Variants in RAD54B observed in about 807,000 individuals in gnomAD.
The protein encoded by RAD54B is RAD54 homolog B.
A neutral mutation model predicts 95.8 loss-of-function variants in RAD54B; 78 were observed. That is an observed-to-expected ratio of 0.81 (90% CI 0.68 to 0.98). RAD54B has a LOEUF of 0.98. Ranked by LOEUF, RAD54B falls within the 50% of genes least tolerant of loss-of-function variation. The pLI, the probability that RAD54B is intolerant of heterozygous loss-of-function variation, is 0.00. For missense variants in RAD54B, 957 were observed against 1,056.6 expected (o/e 0.91, Z 1.31); for synonymous variants, 328 against 354.9 (o/e 0.92, Z 0.85).
chr8:94,383,306 C>T (rs938283754), intron 11 of RAD54B, among the ~76,000 whole-genome samples: 1 of 98,660 alleles, frequency 1.0e-5, no homozygotes, highest in African/African-American at 3.1e-5. Flanking sequence ...AAAAAAAAGC[C>T]CCAAGATGAC....
Position 94,467,549 on chromosome 8 carries a change from T to C in RAD54B, c.-10A>G, listed in dbSNP as rs2130200761. On this transcript the variant is annotated 5_prime_UTR_variant, in exon 2 of 15. Coordinates refer to ENST00000336148, the MANE Select transcript of RAD54B (RefSeq NM_012415.3). Reference sequence around the variant, plus strand: ...CTGCAGATCGTCTCATATTCAGCAGTCGTGACCTGAAAAATACCCAAAACA... The same window carrying C: ...CTGCAGATCGTCTCATATTCAGCAGCCGTGACCTGAAAAATACCCAAAACA... 1.2e-6 allele frequency: 2 copies of C among 1,604,898 alleles called. No individual in the cohort carries two copies. The highest frequency in any genetic ancestry group is 2.2e-5 in the South Asian group (2 of 89,736).
At chr8:94,447,401 T>TAAGC (rs1055268093) in intron 3 of RAD54B, among the ~76,000 whole-genome samples, 9 of 152,200 alleles carry the variant, frequency 5.9e-5, no homozygotes, top group African/African-American at 1.9e-4. Flanking sequence ...CAAACATTGC[T>TAAGC]AAGCTACTCT....
At chr8:94,459,986 G>C (rs1473768470) in intron 2 of RAD54B, among the ~76,000 whole-genome samples, 1 of 150,632 alleles carries the variant, frequency 6.6e-6, no homozygotes, top group Non-Finnish European at 1.5e-5. Flanking sequence ...GTGAAACCCG[G>C]TCTCTACTAA....
chr8:94,432,983 C>A (rs1033602841), intron 3 of RAD54B, among the ~76,000 whole-genome samples: 6 of 152,094 alleles, frequency 3.9e-5, no homozygotes. Flanking sequence ...ATCTTTCCCA[C>A]AACCCTAAGG....
At chr8:94,412,088 T>C (rs1411919299) in intron 3 of RAD54B, among the ~76,000 whole-genome samples, 1 of 152,166 alleles carries the variant, frequency 6.6e-6, no homozygotes. Flanking sequence ...AGAGTTTGAC[T>C]TTTTTGAATT....
chr8:94,455,402 C>A (rs1812757083), intron 3 of RAD54B, among the ~76,000 whole-genome samples: 1 of 152,172 alleles, frequency 6.6e-6, no homozygotes, highest in South Asian at 2.1e-4. Flanking sequence ...AAAACCTTAA[C>A]AAGAGAACAT....
rs758113509 is a variant in RAD54B, at chr8:94,393,814, C to T, written c.1447G>A (p.Gly483Ser). ...LIDFVNPGILGSLSSYRKIYE... is the reference protein window; with the variant it reads ...LIDFVNPGILSSLSSYRKIYE... Reference sequence around the variant, plus strand: ...ATTTTCCTATAAGATGACAAAGAGCCTAATATTCCTGGATTTACAAAATCA... The same window carrying T: ...ATTTTCCTATAAGATGACAAAGAGCTTAATATTCCTGGATTTACAAAATCA... The change falls in exon 9 of 15, where the codon GGC becomes AGC. Residue 483 changes from glycine (G) to serine (S), a missense_variant. Physicochemically the swap from Gly to Ser is moderately conservative, Grantham distance 56. Transcript: ENST00000336148. 10 of 1,586,842 alleles carry T rather than the reference C, an allele frequency of 6.3e-6. No individual in the cohort carries two copies. The South Asian group carries it at 8.9e-5, about 14-fold the overall frequency.
chr8:94,427,708 C>T (rs1811977383), intron 3 of RAD54B: 4 of 983,150 alleles, frequency 4.1e-6, no homozygotes, highest in Non-Finnish European at 4.8e-6. Context: ...AAAAAGTACA[C>T]AAATCAGTAC....
intron 8 of RAD54B, among the ~76,000 whole-genome samples, chr8:94,396,919 G>A (rs1474877304): frequency 6.6e-6 from 1 of 152,120 alleles, no homozygotes; most frequent in Non-Finnish European, 1.5e-5. Context: ...GAGTACATGA[G>A]GACATAGGGA....
intron 8 of RAD54B, among the ~76,000 whole-genome samples, chr8:94,397,629 A>C (rs1464433514): frequency 6.6e-6 from 1 of 152,134 alleles, no homozygotes; most frequent in African/African-American, 2.4e-5. Context: ...ATAAAATTAT[A>C]TATTTTTGCT....
intron 3 of RAD54B, among the ~76,000 whole-genome samples, chr8:94,438,962 T>C (rs1395920714): frequency 2.6e-5 from 4 of 152,218 alleles, no homozygotes; most frequent in Non-Finnish European, 2.9e-5. Flanking sequence ...TGTGGTGGCA[T>C]ATGCCTGTAG....
intron 11 of RAD54B, among the ~76,000 whole-genome samples, chr8:94,384,176 T>A (rs1259610219): frequency 1.3e-5 from 2 of 149,344 alleles, no homozygotes; most frequent in African/African-American, 4.9e-5. Context: ...AAAGCAGGGT[T>A]TTGAAAAGTT....
intron 3 of RAD54B, among the ~76,000 whole-genome samples, chr8:94,443,581 TTCCTC>T (rs747720858): frequency 1.2e-4 from 18 of 152,254 alleles, no homozygotes; most frequent in Admixed American, 5.9e-4. Context: ...AACTGACTCT[TTCCTC>T]TACTCCATCT....
At chr8:94,381,021 G>A (rs1298631561) in intron 11 of RAD54B, among the ~76,000 whole-genome samples, 1 of 152,182 alleles carries the variant, frequency 6.6e-6, no homozygotes, top group African/African-American at 2.4e-5. Flanking sequence ...AGCCAATGTA[G>A]TGGCTTATGC....
intron 3 of RAD54B, among the ~76,000 whole-genome samples, chr8:94,415,957 G>A (rs1811652946): frequency 6.6e-6 from 1 of 151,702 alleles, no homozygotes; most frequent in African/African-American, 2.4e-5. Context: ...AGTCAGTGTG[G>A]CGATTCCTCA....
At chr8:94,429,257 T>C in intron 3 of RAD54B, 1 of 507,406 alleles carries the variant, frequency 2.0e-6, no homozygotes. Flanking sequence ...AAAAATATGA[T>C]TGTAGCAGAC....
intron 3 of RAD54B, among the ~76,000 whole-genome samples, chr8:94,445,095 C>T (rs1812489077): frequency 6.6e-6 from 1 of 152,052 alleles, no homozygotes; most frequent in South Asian, 2.1e-4. Context: ...GTTCTGGAAG[C>T]TAGGAAGTCC....
intron 8 of RAD54B, among the ~76,000 whole-genome samples, chr8:94,394,358 T>C (rs1236694406): frequency 6.6e-6 from 1 of 152,194 alleles, no homozygotes; most frequent in Admixed American, 6.6e-5. Context: ...TTTACTGTTA[T>C]TATAGCTGTG....
At chr8:94,419,791 GTAAAA>G (rs1364144139) in intron 3 of RAD54B, among the ~76,000 whole-genome samples, 2 of 132,658 alleles carry the variant, frequency 1.5e-5, no homozygotes, top group Admixed American at 7.4e-5. Flanking sequence ...ATTTAACAGA[GTAAAA>G]TAAAAGAGGT....
Sources: gnomAD v4.1 joint callset for allele counts (sites outside exome capture counted in the v4.1 genomes callset) on GRCh38, gnomAD v4.1.1 for gene constraint, MANE v1.5 for transcripts, NCBI Gene and HGNC (gene_info 2026-07-23, HGNC 2026-07-21) for gene names.